TULP3: variants seen among roughly 807,000 people sequenced by gnomAD.
The protein encoded by TULP3 is TUB like protein 3.
Under a neutral mutation model 50.7 loss-of-function variants are expected in TULP3, and 38 were observed. The observed-to-expected ratio is 0.75, with a 90% CI of 0.58 to 0.98. TULP3 has a LOEUF of 0.98. Among genes scored for constraint, TULP3 ranks in the 50% least tolerant of loss-of-function variants. TULP3 has a pLI of 0.00. For missense variants in TULP3, 550 were observed against 568.0 expected, an observed-to-expected ratio of 0.97 and a Z score of 0.32; for synonymous variants, 183 against 196.6, an observed-to-expected ratio of 0.93 and a Z score of 0.58.
chr12:2,926,617 A>G (rs771523548), intron 4 of TULP3, among the ~76,000 whole-genome samples: 2 of 152,038 alleles, frequency 1.3e-5, no homozygotes, highest in Non-Finnish European at 2.9e-5. Context: ...CAAGTAAACA[A>G]TAGGCCAGGC....
chr12:2,940,244 A>G lies in TULP3; in HGVS notation c.*800A>G. On this transcript the variant is annotated 3_prime_UTR_variant, in exon 11 of 11. Coordinates refer to ENST00000448120, the MANE Select transcript of TULP3 (RefSeq NM_003324.5). ...TACGGATCCATTAGTGAGGAGCGAC[A>G]CACACACCTGTAGGCATCCTGTGCA... is the stretch of plus-strand genomic sequence containing the variant. The G allele has an allele frequency of 7.3e-7, 1 of 1,370,316 alleles. No individual in the cohort carries two copies. The highest frequency in any genetic ancestry group is 9.6e-7 in the Non-Finnish European group (1 of 1,042,596). 84.9% of individuals were successfully genotyped at this position (1,370,316 alleles called of 1,614,324 possible).
At chr12:2,891,131 G>C (rs965524949) in intron 1 of TULP3, 143 bp downstream of exon 1, 1 of 987,604 alleles carries the variant, frequency 1.0e-6, no homozygotes, top group Admixed American at 3.6e-5. Flanking sequence ...TCGGCGGCGG[G>C]AGGCGACCCC....
At chr12:2,914,238 C>G (rs1221700653) in intron 2 of TULP3, among the ~76,000 whole-genome samples, 4 of 151,830 alleles carry the variant, frequency 2.6e-5, no homozygotes, top group African/African-American at 9.7e-5. Context: ...AGTTCTCCTG[C>G]CTCAGCCTCC....
At chr12:2,895,498 C>CA (rs1397575336) in intron 1 of TULP3, among the ~76,000 whole-genome samples, 3 of 152,176 alleles carry the variant, frequency 2.0e-5, no homozygotes, top group African/African-American at 7.2e-5. Context: ...ATATTTTGTT[C>CA]AAGCCAGATG....
chr12:2,938,199 G>C lies in TULP3; in HGVS notation c.1109G>C (p.Ser370Thr), dbSNP rs34246393. 3.2e-3 allele frequency: 5,146 copies of C among 1,614,200 alleles called. 14 individuals carry two copies. Among genetic ancestry groups the C allele is most frequent in the Non-Finnish European group, 4.0e-3 (4,683 of 1,180,046 alleles). ...ELHNKAPVWN[S>T]DTQSYVLNFR... ...CACAACAAGGCCCCCGTCTGGAACA[G>C]TGACACTCAGTCCTATGTCCTCAAC... Residue 370 changes from serine (S) to threonine (T), a missense_variant, in exon 10 of 11, where the codon AGT becomes ACT. Physicochemically the swap from Ser to Thr is moderately conservative, Grantham distance 58. Coordinates refer to ENST00000448120, the MANE Select transcript of TULP3 (RefSeq NM_003324.5).
At chr12:2,921,539 G>A (rs1457202744) in intron 3 of TULP3, among the ~76,000 whole-genome samples, 1 of 152,124 alleles carries the variant, frequency 6.6e-6, no homozygotes, top group Non-Finnish European at 1.5e-5. Context: ...TCATGAAGCC[G>A]GGAATAGGTA....
intron 6 of TULP3, among the ~76,000 whole-genome samples, chr12:2,932,946 T>TA (rs770884825): frequency 2.6e-4 from 39 of 151,682 alleles, no homozygotes; most frequent in Non-Finnish European, 4.7e-4. Context: ...TATTTTTATT[T>TA]TTTATTTTTT....
intron 2 of TULP3, 82 bp downstream of exon 2, chr12:2,909,662 C>G: frequency 7.3e-7 from 1 of 1,378,656 alleles, no homozygotes; most frequent in Non-Finnish European, 1.0e-6. Flanking sequence ...AAGCCTTTGG[C>G]AGGGCTATGG....
intron 1 of TULP3, among the ~76,000 whole-genome samples, chr12:2,899,352 A>G (rs2098177480): frequency 6.6e-6 from 1 of 151,808 alleles, no homozygotes; most frequent in African/African-American, 2.4e-5. Context: ...TCTCAAAAAA[A>G]AAAAAAAAAA....
At chr12:2,901,592 AG>A (rs1389090121) in intron 1 of TULP3, among the ~76,000 whole-genome samples, 1 of 151,920 alleles carries the variant, frequency 6.6e-6, no homozygotes, top group Non-Finnish European at 1.5e-5. Context: ...CATGTTGGCC[AG>A]GCTGGTCTCC....
intron 1 of TULP3, among the ~76,000 whole-genome samples, chr12:2,894,576 CAAAA>C (rs1177993135): frequency 6.7e-6 from 1 of 148,342 alleles, no homozygotes; most frequent in Non-Finnish European, 1.5e-5. Context: ...CGCACGCACA[CAAAA>C]AAGAGATCTG....
intron 2 of TULP3, among the ~76,000 whole-genome samples, chr12:2,911,226 G>T (rs551065871): frequency 6.0e-4 from 91 of 151,778 alleles, no homozygotes; most frequent in Middle Eastern, 6.8e-3. Context: ...TTTTTACATA[G>T]GTAATAAAAA....
rs980790524 is a variant in TULP3, at chr12:2,899,910, A to AC, written c.41+8922_41+8923insC. Among the ~76,000 whole-genome samples, 9 of 148,412 alleles carry AC rather than the reference A, an allele frequency of 6.1e-5. 1 individual carries two copies. Among genetic ancestry groups the AC allele is most frequent in the African/African-American group, 2.3e-4 (9 of 39,882 alleles). On this transcript the variant is annotated intron_variant, in intron 1 of 10. Coordinates refer to ENST00000448120, the MANE Select transcript of TULP3 (RefSeq NM_003324.5). ...TCCGTCTCAAAAAAAAAACAAACAA[A>AC]AAAAAAAACAAAAAAAACTTGGAGA...
intron 2 of TULP3, among the ~76,000 whole-genome samples, chr12:2,916,529 G>A (rs1036473516): frequency 2.6e-5 from 4 of 152,122 alleles, no homozygotes; most frequent in African/African-American, 4.8e-5. Context: ...TTAAAATCAC[G>A]AAGGCAGTGT....
intron 1 of TULP3, among the ~76,000 whole-genome samples, chr12:2,907,740 C>G (rs1485115637): frequency 1.3e-5 from 2 of 151,484 alleles, no homozygotes; most frequent in African/African-American, 2.4e-5. Context: ...TTTTTTGTCA[C>G]ACTATATTAA....
intron 5 of TULP3, 59 bp from the exon 6 acceptor site, chr12:2,930,978 A>G: frequency 6.3e-7 from 1 of 1,589,868 alleles, no homozygotes; most frequent in South Asian, 1.1e-5. Context: ...AGTGTTTTTC[A>G]AAGAGAATCA....
chr12:2,894,079 G>T (rs1304208077), intron 1 of TULP3, among the ~76,000 whole-genome samples: 3 of 152,086 alleles, frequency 2.0e-5, no homozygotes, highest in Non-Finnish European at 4.4e-5. Context: ...GCTGGAACTT[G>T]AGCCCTATCT....
At position 2,940,503 on chromosome 12, in the gene TULP3, A is replaced by T. The variant is rs2098204116; in HGVS notation, c.*1059A>T. 8.5e-6 allele frequency: 13 copies of T among 1,524,824 alleles called. No individual in the cohort carries two copies. The highest frequency in any genetic ancestry group is 1.1e-5 in the Non-Finnish European group (12 of 1,132,630). The allele number at this position is 1,524,824 out of a possible 1,614,324, so 94.5% of individuals were successfully genotyped here. A position where few individuals can be genotyped will look rare whatever the true frequency, so the allele number is the denominator to read the frequency against. ...ATTACACCCCTCCACGTATTATGTG[A>T]CTCTTACACCAGTTCACCCTTCCCA... On this transcript the variant is annotated 3_prime_UTR_variant, in exon 11 of 11. Transcript: ENST00000448120.
chr12:2,911,695 T>C (rs1244614184), intron 2 of TULP3, among the ~76,000 whole-genome samples: 1 of 110,942 alleles, frequency 9.0e-6, no homozygotes, highest in African/African-American at 3.6e-5. Flanking sequence ...TTTTTTTTTT[T>C]TTTTTTTTTT....
Sources: gnomAD v4.1 joint callset for allele counts (sites outside exome capture counted in the v4.1 genomes callset) on GRCh38, gnomAD v4.1.1 for gene constraint, MANE v1.5 for transcripts, NCBI Gene and HGNC (gene_info 2026-07-23, HGNC 2026-07-21) for gene names.